The following SDHD variants were observed in gnomAD, a reference collection of about 807,000 sequenced individuals.
SDHD encodes succinate dehydrogenase complex subunit D.
SDHD carries 6 observed loss-of-function variants against 18.7 expected under a neutral mutation model. The observed-to-expected ratio is 0.32, with a 90% CI of 0.18 to 0.63. The LOEUF is 0.63. Ranked by LOEUF, SDHD falls within the 30% of genes least tolerant of loss-of-function variation. The probability of loss-of-function intolerance (pLI) is 0.79; values close to 1 mark genes in which losing one functional copy is unlikely to be tolerated. For synonymous variants in SDHD, 56 were observed against 73.9 expected (o/e 0.76, Z 1.24); for missense variants, 160 against 192.7 (o/e 0.83, Z 1.00).
At chr11:112,092,780 G>C (rs1016288222) in intron 3 of SDHD, among the ~76,000 whole-genome samples, 1 of 152,124 alleles carries the variant, frequency 6.6e-6, no homozygotes, top group Non-Finnish European at 1.5e-5. Flanking sequence ...ATACCCAAGA[G>C]AACTGAAAAC....
Position 112,087,129 on chromosome 11 carries a change from T to G in SDHD, c.52+170T>G, listed in dbSNP as rs568087116. 5.1e-4 allele frequency among the ~76,000 whole-genome samples: 77 copies of G among 152,314 alleles called. 1 individual carries two copies. The highest frequency in any genetic ancestry group is 3.4e-3 in the Middle Eastern group (1 of 294). Reference sequence around the variant, plus strand: ...TCCAGATGTTTACCCGAAGGTATATTTCACTTGCTGTGAGCTGACGAGTTG... The same window carrying G: ...TCCAGATGTTTACCCGAAGGTATATGTCACTTGCTGTGAGCTGACGAGTTG... On this transcript the variant is annotated intron_variant, in intron 1 of 3. Coordinates refer to ENST00000375549, the MANE Select transcript of SDHD (RefSeq NM_003002.4).
intron 3 of SDHD, among the ~76,000 whole-genome samples, chr11:112,089,742 A>T (rs188329265): frequency 6.6e-6 from 1 of 152,190 alleles, no homozygotes; most frequent in East Asian, 1.9e-4. Context: ...CTCTCAACAA[A>T]GCCTTCCCTA....
intron 3 of SDHD, 23 bp downstream of exon 3, chr11:112,089,034 T>C: frequency 1.9e-6 from 3 of 1,613,894 alleles, no homozygotes; most frequent in Non-Finnish European, 2.5e-6. Flanking sequence ...ATTCCAAATA[T>C]AGTTGTCTGC....
chr11:112,090,270 G>A (rs1566696661), intron 3 of SDHD, among the ~76,000 whole-genome samples: 2 of 151,984 alleles, frequency 1.3e-5, no homozygotes, highest in Non-Finnish European at 2.9e-5. Context: ...CACCACATCC[G>A]GCTAATTTTT....
At chr11:112,094,397 CAATAAATAAATA>C (rs575947347) in intron 3 of SDHD, among the ~76,000 whole-genome samples, 9 of 150,880 alleles carry the variant, frequency 6.0e-5, no homozygotes, top group African/African-American at 2.0e-4. Context: ...GACTCTGTCT[CAATAAATAAATA>C]AATAAATAAA....
In SDHD at chr11:112,095,400, T is replaced by G. The variant is rs2135278472; in HGVS notation, c.*430T>G. On this transcript the variant is annotated 3_prime_UTR_variant, in exon 4 of 4. Transcript: ENST00000375549. ...AAAAACTTTGCAGAAAATTAGACAG[T>G]GTTTAATTTTCGAAAACTTCCCTCT... 1 of 292,218 alleles carries G rather than the reference T, an allele frequency of 3.4e-6. No homozygotes were observed. Among genetic ancestry groups the G allele is most frequent in the East Asian group, 5.0e-5 (1 of 19,836 alleles). 18.1% of individuals were successfully genotyped at this position (292,218 alleles called of 1,614,324 possible).
At position 112,095,239 on chromosome 11, in the gene SDHD, A is replaced by G; in HGVS notation, c.*269A>G. On this transcript the variant is annotated 3_prime_UTR_variant, in exon 4 of 4. Coordinates refer to ENST00000375549, the MANE Select transcript of SDHD (RefSeq NM_003002.4). The stretch of plus-strand genomic sequence containing the variant: ...TATAAGACTCACAGTATAACTAAAC[A>G]TGATATATCAGCTTTTGCCTTTCAA... 2 of 480,630 alleles carry G rather than the reference A, an allele frequency of 4.2e-6. No individual in the cohort carries two copies. The highest frequency in any genetic ancestry group is 2.2e-5 in the South Asian group (1 of 45,484). The allele number at this position is 480,630 out of a possible 1,614,324, so 29.8% of individuals were successfully genotyped here. A position where few individuals can be genotyped will look rare whatever the true frequency, so the allele number is the denominator to read the frequency against.
rs1406470864 is a variant in SDHD, at chr11:112,094,791, T to C, written c.315-14T>C. 21 of 1,609,560 alleles carry C rather than the reference T, an allele frequency of 1.3e-5. No homozygotes were observed. Among genetic ancestry groups the C allele is most frequent in the Non-Finnish European group, 1.7e-5 (20 of 1,178,630 alleles). On this transcript the variant is annotated splice_polypyrimidine_tract_variant and intron_variant, in intron 3 of 3. Coordinates refer to ENST00000375549, the MANE Select transcript of SDHD (RefSeq NM_003002.4). ...GGTTTTTTATTGATGTTATGATTTT[T>C]TCTTTTTCTTTAGGGGCCTTGGACA...
intron 3 of SDHD, among the ~76,000 whole-genome samples, chr11:112,094,083 A>G (rs1592785565): frequency 1.3e-5 from 2 of 152,232 alleles, no homozygotes; most frequent in South Asian, 2.1e-4. Context: ...CCTGGGCATC[A>G]TGGTGAGACC....
chr11:112,089,106 G>T, intron 3 of SDHD, 95 bp downstream of exon 3: 1 of 1,392,182 alleles, frequency 7.2e-7, no homozygotes, highest in East Asian at 2.3e-5. Context: ...TGATTGAAAT[G>T]CCCTAAATTT....
intron 3 of SDHD, among the ~76,000 whole-genome samples, chr11:112,091,436 C>G (rs1865744282): frequency 6.6e-6 from 1 of 152,218 alleles, no homozygotes; most frequent in South Asian, 2.1e-4. Flanking sequence ...TCCTTCTCCT[C>G]TTGTCTGACC....
Position 112,088,491 on chromosome 11 carries a change from C to T in SDHD, c.170-376C>T, listed in dbSNP as rs138464112. On this transcript the variant is annotated intron_variant, in intron 2 of 3. Transcript: ENST00000375549. ...TCAGCCTCCCAAAGTGCTGGGATTG[C>T]AGGCGTGAGCCACCACGCCTGGACC... The T allele has an allele frequency of 3.4e-3, 1,175 of 349,066 alleles. 13 individuals are homozygous for T. The highest frequency in any genetic ancestry group is 0.022 in the African/African-American group (1,047 of 46,916). 21.6% of individuals were successfully genotyped at this position (349,066 alleles called of 1,614,324 possible).
At chr11:112,091,708 G>C (rs1865748691) in intron 3 of SDHD, among the ~76,000 whole-genome samples, 1 of 151,674 alleles carries the variant, frequency 6.6e-6, no homozygotes, top group South Asian at 2.1e-4. Flanking sequence ...AAATTCTTAG[G>C]AGTCATTCTA....
chr11:112,090,110 T>A (rs1865716489), intron 3 of SDHD, among the ~76,000 whole-genome samples: 1 of 152,152 alleles, frequency 6.6e-6, no homozygotes, highest in Non-Finnish European at 1.5e-5. Context: ...TTTGTTTGTT[T>A]GTTTGTTTAT....
chr11:112,095,287 T>A lies in SDHD; in HGVS notation c.*317T>A. The A allele has an allele frequency of 2.4e-6, 1 of 409,988 alleles. No individual in the cohort carries two copies. Among genetic ancestry groups the A allele is most frequent in the African/African-American group, 2.0e-5 (1 of 50,774 alleles). 25.4% of individuals were successfully genotyped at this position (409,988 alleles called of 1,614,324 possible). A position where few individuals can be genotyped will look rare whatever the true frequency, so the allele number is the denominator to read the frequency against. ...CAATTTATCAATCTCTTAAAGAGAA[T>A]CCAACTTTATTACGATTAGTATATG... On this transcript the variant is annotated 3_prime_UTR_variant, in exon 4 of 4. Transcript: ENST00000375549.
At chr11:112,089,199 AT>A in intron 3 of SDHD, 188 bp downstream of exon 3, 1 of 632,584 alleles carries the variant, frequency 1.6e-6, no homozygotes, top group Non-Finnish European at 2.7e-6. Context: ...TTTCAATTCG[AT>A]TTCCGTATCT....
intron 2 of SDHD, chr11:112,088,488 T>A (rs777958326): frequency 4.6e-5 from 16 of 349,820 alleles, no homozygotes; most frequent in Non-Finnish European, 7.7e-5. Context: ...AGTGCTGGGA[T>A]TGCAGGCGTG....
In SDHD at chr11:112,086,885, G is replaced by C. The variant is rs760995161; in HGVS notation, c.-23G>C. 6.2e-7 allele frequency: 1 copy of C among 1,614,200 alleles called. No individual in the cohort carries two copies. The highest frequency in any genetic ancestry group is 1.1e-5 in the South Asian group (1 of 91,086). ...CCTAAGTGGTTCCGGGTTGGTGGAT[G>C]ACCTTGAGCCCTCAGGAACGAGATG... On this transcript the variant is annotated 5_prime_UTR_variant, in exon 1 of 4. It removes an upstream start codon present in the reference 5' UTR. Transcript: ENST00000375549.
chr11:112,094,821 G>T lies in SDHD; in HGVS notation c.331G>T (p.Val111Phe). The change falls in exon 4 of 4, where the codon GTT becomes TTT. Residue 111 changes from valine to phenylalanine, a missense_variant. Val to Phe is a conservative substitution (Grantham distance 50). Coordinates refer to ENST00000375549, the MANE Select transcript of SDHD (RefSeq NM_003002.4). ...LHGHWGLGQV[V>F]TDYVHGDALQ... Reference sequence around the variant, plus strand: ...TTTCTTTAGGGGCCTTGGACAAGTTGTTACTGACTATGTTCATGGGGATGC... The same window carrying T: ...TTTCTTTAGGGGCCTTGGACAAGTTTTTACTGACTATGTTCATGGGGATGC... The T allele has an allele frequency of 1.9e-6, 3 of 1,611,914 alleles. No homozygotes were observed. The highest frequency in any genetic ancestry group is 1.1e-5 in the South Asian group (1 of 90,986).
Sources: allele counts gnomAD v4.1 joint callset (sites outside exome capture counted in the v4.1 genomes callset), GRCh38; gene constraint gnomAD v4.1.1; transcripts MANE v1.5; gene names NCBI Gene and HGNC (gene_info 2026-07-23, HGNC 2026-07-21).